FER: variants seen among roughly 807,000 people sequenced by gnomAD.
FER encodes FER tyrosine kinase.
FER carries 63 observed loss-of-function variants against 111.0 expected under a neutral mutation model. That is an observed-to-expected ratio of 0.57 (90% CI 0.46 to 0.70). The LOEUF is 0.70. Among genes scored for constraint, FER ranks in the 30% least tolerant of loss-of-function variants. The pLI is 0.00. For synonymous variants in FER, 327 were observed against 313.9 expected, an observed-to-expected ratio of 1.04 and a Z score of -0.44; for missense variants, 914 against 954.0, an observed-to-expected ratio of 0.96 and a Z score of 0.55.
At chr5:108,955,316 C>T (rs540757996) in intron 12 of FER, among the ~76,000 whole-genome samples, 5 of 151,582 alleles carry the variant, frequency 3.3e-5, no homozygotes, top group South Asian at 4.2e-4. Context: ...GAATTGTTTT[C>T]AGAATGGTGC....
At chr5:109,032,030 A>G (rs1381695027) in intron 13 of FER, among the ~76,000 whole-genome samples, 1 of 152,172 alleles carries the variant, frequency 6.6e-6, no homozygotes, top group African/African-American at 2.4e-5. Flanking sequence ...AGTCTAATGG[A>G]ATATATCCTT....
chr5:109,003,160 A>G (rs1765027778), intron 13 of FER, among the ~76,000 whole-genome samples: 1 of 152,202 alleles, frequency 6.6e-6, no homozygotes, highest in African/African-American at 2.4e-5. Flanking sequence ...ATAAAGACAC[A>G]TGCACACGTA....
chr5:108,749,652 T>C (rs1241942257), intron 1 of FER, among the ~76,000 whole-genome samples: 1 of 152,202 alleles, frequency 6.6e-6, no homozygotes, highest in Non-Finnish European at 1.5e-5. Flanking sequence ...TCCTCCGGTC[T>C]TGGCCAGAGG....
intron 13 of FER, among the ~76,000 whole-genome samples, chr5:109,016,181 G>C (rs186649160): frequency 2.2e-3 from 334 of 152,098 alleles, no homozygotes; most frequent in African/African-American, 7.5e-3. Flanking sequence ...GTCAGTATCT[G>C]TTTCTACAAG....
chr5:108,932,877 G>T (rs1581261038), intron 10 of FER, among the ~76,000 whole-genome samples: 1 of 150,522 alleles, frequency 6.6e-6, no homozygotes, highest in South Asian at 2.1e-4. Flanking sequence ...TTTTGATGGG[G>T]TTGTTTGTTT....
chr5:108,962,403 T>C (rs1759264352), intron 13 of FER, among the ~76,000 whole-genome samples: 1 of 152,208 alleles, frequency 6.6e-6, no homozygotes, highest in Non-Finnish European at 1.5e-5. Context: ...GACTACCATG[T>C]ATAAAATAAC....
chr5:108,803,434 A>G (rs1756886141), intron 3 of FER, among the ~76,000 whole-genome samples: 1 of 152,110 alleles, frequency 6.6e-6, no homozygotes, highest in Non-Finnish European at 1.5e-5. Context: ...GGTGTTTCCC[A>G]GGTTTTCTTC....
chr5:109,054,166 C>T lies in FER; in HGVS notation c.1924+6968C>T, dbSNP rs556888511. ...GAAACTGCCTAGTAGTGGAATGAATCGATCATCTGGCATTTGCATGTTAAA... is the reference window on the plus strand; with the variant it reads ...GAAACTGCCTAGTAGTGGAATGAATTGATCATCTGGCATTTGCATGTTAAA... On this transcript the variant is annotated intron_variant, in intron 16 of 19. Coordinates refer to ENST00000281092, the MANE Select transcript of FER (RefSeq NM_005246.4). Among the ~76,000 whole-genome samples, 20 of 152,230 alleles carry T rather than the reference C, an allele frequency of 1.3e-4. No individual in the cohort carries two copies. In the South Asian group the frequency reaches 2.5e-3, roughly 19 times the overall value.
chr5:108,785,410 A>G (rs1212431329), intron 2 of FER: 2 of 587,944 alleles, frequency 3.4e-6, no homozygotes, highest in East Asian at 4.4e-5. Flanking sequence ...TCGTAGATGA[A>G]CTGAAGCAAG....
chr5:108,953,002 G>T (rs190412732), intron 11 of FER, among the ~76,000 whole-genome samples: 338 of 152,006 alleles, frequency 2.2e-3, no homozygotes, highest in African/African-American at 7.6e-3. Context: ...GAATAAATAA[G>T]CAGTTTTGCT....
chr5:108,879,632 T>A (rs1209388337), intron 8 of FER, among the ~76,000 whole-genome samples: 2 of 145,870 alleles, frequency 1.4e-5, no homozygotes, highest in Non-Finnish European at 1.5e-5. Flanking sequence ...TTTTTTTTTA[T>A]TTTTAAGGGG....
At chr5:109,143,812 C>G (rs776564731) in intron 17 of FER, among the ~76,000 whole-genome samples, 2 of 150,938 alleles carry the variant, frequency 1.3e-5, no homozygotes, top group Non-Finnish European at 1.5e-5. Context: ...CAAGCTGGGA[C>G]TAGAGGTGTA....
chr5:109,136,337 G>C (rs1752890406), intron 17 of FER, among the ~76,000 whole-genome samples: 1 of 151,858 alleles, frequency 6.6e-6, no homozygotes, highest in Non-Finnish European at 1.5e-5. Flanking sequence ...AAAAAGGATT[G>C]AACAGGAGAT....
intron 17 of FER, among the ~76,000 whole-genome samples, chr5:109,158,257 C>T (rs1755623738): frequency 1.3e-5 from 2 of 151,762 alleles, no homozygotes; most frequent in African/African-American, 4.8e-5. Context: ...GTGGCACATG[C>T]CTGTAGGTCC....
rs764513649 is a variant in FER, at chr5:108,946,221, C to T, written c.1328C>T (p.Ala443Val). ...CCAAAATCTGCACTGGGCTCTTCAGCAGTAAGTAGGATTAACTCTCTGTGC... is the reference window on the plus strand; with the variant it reads ...CCAAAATCTGCACTGGGCTCTTCAGTAGTAAGTAGGATTAACTCTCTGTGC... ...RSPKSALGSS[A>V]LSDMISISEK... The change falls in exon 11 of 20, where the codon GCA (alanine) becomes GTA (valine). Residue 443 changes from alanine to valine, a missense_variant and splice_region_variant. By Grantham distance (64) the Ala-to-Val change is moderately conservative (BLOSUM62 0). Coordinates refer to ENST00000281092, the MANE Select transcript of FER (RefSeq NM_005246.4). 16 of 1,606,496 alleles carry T rather than the reference C, an allele frequency of 1.0e-5. No homozygotes were observed. Among genetic ancestry groups the T allele is most frequent in the Middle Eastern group, 1.6e-4 (1 of 6,066 alleles).
intron 1 of FER, among the ~76,000 whole-genome samples, chr5:108,761,388 C>T (rs1479649840): frequency 6.6e-6 from 1 of 151,974 alleles, no homozygotes; most frequent in African/African-American, 2.4e-5. Context: ...ACAGGGAAGT[C>T]CAAGAAGAAG....
chr5:108,946,178 G>T lies in FER; in HGVS notation c.1285G>T (p.Ala429Ser). Reference protein sequence around the residue: ...SKFESIRHSIAGIIRSPKSAL... With the variant: ...SKFESIRHSISGIIRSPKSAL... The stretch of plus-strand genomic sequence containing the variant: ...ATTTGAATCTATTCGTCATTCAATT[G>T]CTGGAATAATTAGGTCTCCAAAATC... The change falls in exon 11 of 20, where the codon GCT becomes TCT. Residue 429 changes from alanine (A) to serine (S), a missense_variant. By Grantham distance (99) the Ala-to-Ser change is moderately conservative. Around this residue, in one of 3 missense-constraint regions of FER, gnomAD observed 774 missense variants for 782.6 expected, o/e 0.99. Coordinates refer to ENST00000281092, the MANE Select transcript of FER (RefSeq NM_005246.4). 2 of 1,612,350 alleles carry T rather than the reference G, an allele frequency of 1.2e-6. No homozygotes were observed. The highest frequency in any genetic ancestry group is 1.7e-6 in the Non-Finnish European group (2 of 1,178,964).
chr5:108,878,327 C>G (rs1222135575), intron 8 of FER, among the ~76,000 whole-genome samples: 1 of 152,010 alleles, frequency 6.6e-6, no homozygotes, highest in Non-Finnish European at 1.5e-5. Context: ...TTCCTTTCTT[C>G]TTTTCGTCGA....
At chr5:109,092,733 A>G (rs937194192) in intron 16 of FER, among the ~76,000 whole-genome samples, 2 of 152,234 alleles carry the variant, frequency 1.3e-5, no homozygotes, top group African/African-American at 2.4e-5. Context: ...GAACTACCAT[A>G]TAATCTAGCC....
Sources: gnomAD v4.1 joint callset for allele counts (sites outside exome capture counted in the v4.1 genomes callset) on GRCh38, gnomAD v4.1.1 for gene constraint, gnomAD v4.1.1 regional missense constraint, MANE v1.5 for transcripts, NCBI Gene and HGNC (gene_info 2026-07-23, HGNC 2026-07-21) for gene names.